The following TDRD9 variants were observed in gnomAD, a reference collection of about 807,000 sequenced individuals.
TDRD9 encodes the protein ATP-dependent RNA helicase TDRD9.
In TDRD9, 124 loss-of-function variants were observed where a neutral mutation model predicts 172.6. The observed-to-expected ratio is 0.72, with a 90% CI of 0.62 to 0.83. The LOEUF (loss-of-function observed/expected upper bound fraction) is 0.83. Ranked by LOEUF, TDRD9 falls within the 40% of genes least tolerant of loss-of-function variation. The pLI is 0.00. For missense variants in TDRD9, 1,479 were observed against 1,714.1 expected, an observed-to-expected ratio of 0.86 and a Z score of 2.42; for synonymous variants, 619 against 617.1, an observed-to-expected ratio of 1.00 and a Z score of -0.05.
chr14:104,043,903 T>C (rs1421755130), intron 34 of TDRD9, among the ~76,000 whole-genome samples: 1 of 152,174 alleles, frequency 6.6e-6, no homozygotes. Context: ...AGAACAGGCC[T>C]TGGGCCTGAA....
intron 13 of TDRD9, among the ~76,000 whole-genome samples, chr14:104,002,701 A>G (rs758672167): frequency 6.6e-6 from 1 of 150,880 alleles, no homozygotes; most frequent in Non-Finnish European, 1.5e-5. Context: ...GTAAGGAGGC[A>G]TCTTTAGGCT....
intron 20 of TDRD9, among the ~76,000 whole-genome samples, chr14:104,010,845 C>A (rs370273755): frequency 6.6e-6 from 1 of 152,110 alleles, no homozygotes; most frequent in East Asian, 1.9e-4. Context: ...GGCTTGCATC[C>A]CTCGAATACT....
intron 7 of TDRD9, among the ~76,000 whole-genome samples, chr14:103,984,343 C>T (rs573251379): frequency 3.9e-5 from 6 of 152,298 alleles, no homozygotes; most frequent in Admixed American, 3.9e-4. Context: ...GGCCTGGAGG[C>T]CTAGGAGGAA....
intron 23 of TDRD9, among the ~76,000 whole-genome samples, chr14:104,018,991 A>G (rs2034873636): frequency 6.6e-6 from 1 of 152,236 alleles, no homozygotes. Flanking sequence ...TTCATGAGGC[A>G]AACACACAAC....
chr14:104,006,992 C>T (rs111343951), intron 18 of TDRD9, 147 bp downstream of exon 18: 49 of 977,508 alleles, frequency 5.0e-5, no homozygotes, highest in African/African-American at 2.3e-4. Flanking sequence ...TTAAATTAAC[C>T]GTGCTGGAAG....
chr14:103,931,038 A>G (rs2030355587), intron 1 of TDRD9, among the ~76,000 whole-genome samples: 1 of 152,160 alleles, frequency 6.6e-6, no homozygotes. Context: ...TCCCACCTGT[A>G]ATCCCAGCAC....
intron 5 of TDRD9, among the ~76,000 whole-genome samples, chr14:103,968,751 G>A (rs1158396219): frequency 1.9e-5 from 2 of 103,836 alleles, no homozygotes; most frequent in East Asian, 3.3e-4. Flanking sequence ...AGCTGAGATT[G>A]CGCCACTGCA....
intron 1 of TDRD9, among the ~76,000 whole-genome samples, chr14:103,930,199 T>TG (rs1227195513): frequency 6.6e-6 from 1 of 152,006 alleles, no homozygotes; most frequent in Non-Finnish European, 1.5e-5. Flanking sequence ...TGGTTTTTTT[T>TG]TTTTGAGACA....
At chr14:104,025,068 G>C (rs2035073493) in intron 25 of TDRD9, among the ~76,000 whole-genome samples, 1 of 152,198 alleles carries the variant, frequency 6.6e-6, no homozygotes, top group African/African-American at 2.4e-5. Flanking sequence ...TGCAACCTCT[G>C]CCTTCTGGGT....
intron 7 of TDRD9, among the ~76,000 whole-genome samples, chr14:103,983,472 A>T (rs529970570): frequency 2.0e-5 from 3 of 152,128 alleles, no homozygotes; most frequent in African/African-American, 4.8e-5. Context: ...TCACCTGAAG[A>T]CTTCTTTTGA....
chr14:104,026,181 A>T, intron 27 of TDRD9, 45 bp downstream of exon 27: 1 of 1,340,880 alleles, frequency 7.5e-7, no homozygotes, highest in Non-Finnish European at 1.1e-6. Context: ...CATGCTGGAC[A>T]GGATTCCTGG....
chr14:103,941,192 A>G (rs1448670332), intron 1 of TDRD9: 2 of 1,094,050 alleles, frequency 1.8e-6, no homozygotes, highest in Non-Finnish European at 2.5e-6. Context: ...TAATGTATAC[A>G]AGTTACCCAC....
chr14:103,942,966 GA>G (rs146069139), intron 1 of TDRD9, among the ~76,000 whole-genome samples: 51,467 of 151,380 alleles, frequency 0.34, 8,906 homozygotes, highest in Middle Eastern at 0.37. Context: ...GGTTGTCAGG[GA>G]AAAATAGAGG....
At chr14:104,014,669 C>A in intron 20 of TDRD9, 56 bp from the exon 21 acceptor site, 1 of 983,998 alleles carries the variant, frequency 1.0e-6, no homozygotes, top group Non-Finnish European at 1.6e-6. Flanking sequence ...AGTGTTTTCA[C>A]TGCTCTGATG....
At position 104,035,164 on chromosome 14, in the gene TDRD9, G is replaced by A. The variant is rs2035413597; in HGVS notation, c.3716+108G>A. ...GGAAAGAAAGCCTTTATGGAAGCTA[G>A]CCATGGCACGTCTCGCTGCTTGGGG... is the stretch of plus-strand genomic sequence containing the variant. On this transcript the variant is annotated intron_variant, in intron 32 of 35. Transcript: ENST00000409874. 6 of 785,092 alleles carry A rather than the reference G, an allele frequency of 7.6e-6. No individual in the cohort carries two copies. The South Asian group carries it at 9.8e-5, about 13-fold the overall frequency. The allele number at this position is 785,092 out of a possible 1,614,324, so 48.6% of individuals were successfully genotyped here. A position where few individuals can be genotyped will look rare whatever the true frequency, so the allele number is the denominator to read the frequency against.
At chr14:104,021,879 C>T (rs1267258882) in intron 23 of TDRD9, among the ~76,000 whole-genome samples, 3 of 151,800 alleles carry the variant, frequency 2.0e-5, no homozygotes, top group African/African-American at 7.3e-5. Flanking sequence ...ATTTCTTTGC[C>T]CCAAATTCCA....
chr14:103,970,737 C>G, intron 6 of TDRD9, 116 bp downstream of exon 6: 1 of 764,984 alleles, frequency 1.3e-6, no homozygotes, highest in Non-Finnish European at 2.1e-6. Flanking sequence ...CGGACAGATA[C>G]TAAAATCTGA....
rs755656519 is a variant in TDRD9 at position 104,006,647 on chromosome 14, G to A, written c.1881G>A (p.Ala627=). The stretch of plus-strand genomic sequence containing the variant: ...TTCTTGTTTATTTTTTATGGTTAGC[G>A]GCAGCTCTTTCTTTGAAGAATTTTT... ...FGCLDECLII[A]AALSLKNFFA... The change falls in exon 17 of 36, where the codon GCG becomes GCA. Residue 627 remains alanine (A), a splice_region_variant and synonymous_variant. Transcript: ENST00000409874. 1.8e-5 allele frequency: 29 copies of A among 1,613,650 alleles called. No individual in the cohort carries two copies. In the South Asian group the frequency reaches 2.4e-4, roughly 13 times the overall value.
intron 15 of TDRD9, among the ~76,000 whole-genome samples, chr14:104,005,921 C>T (rs78867080): frequency 0.046 from 6,960 of 152,254 alleles, 175 homozygotes; most frequent in South Asian, 0.1. Context: ...AAGTGACCCT[C>T]CCACTGTGGC....
Sources: gnomAD v4.1 joint callset for allele counts (sites outside exome capture counted in the v4.1 genomes callset) on GRCh38, gnomAD v4.1.1 for gene constraint, MANE v1.5 for transcripts, NCBI Gene and HGNC (gene_info 2026-07-23, HGNC 2026-07-21) for gene names.